CCDC7: variants seen among roughly 807,000 people sequenced by gnomAD.
The protein encoded by CCDC7 is coiled-coil domain containing 7, also known as coiled-coil domain-containing protein 7.
In CCDC7, 183 loss-of-function variants were observed where a neutral mutation model predicts 196.9. The ratio of observed to expected loss-of-function variants is 0.93; its 90% CI spans 0.82 to 1.05. The LOEUF (loss-of-function observed/expected upper bound fraction) is 1.05, where lower values mean the gene tolerates loss of function less well. Ranked by LOEUF, CCDC7 falls within the 50% of genes least tolerant of loss-of-function variation. The pLI is 0.00. For missense variants in CCDC7, 1,540 were observed against 1,482.2 expected, an observed-to-expected ratio of 1.04 and a Z score of -0.64; for synonymous variants, 525 against 484.6, an observed-to-expected ratio of 1.08 and a Z score of -1.10.
At chr10:32,759,653 C>T (rs2133802110) in intron 28 of CCDC7, among the ~76,000 whole-genome samples, 1 of 152,238 alleles carries the variant, frequency 6.6e-6, no homozygotes. Flanking sequence ...AGAAGAAAAC[C>T]TAGGCAATAC....
intron 28 of CCDC7, among the ~76,000 whole-genome samples, chr10:32,755,016 C>A (rs1269487851): frequency 6.6e-6 from 1 of 152,196 alleles, no homozygotes. Flanking sequence ...GCCTCACTCA[C>A]TGCTAGCACG....
At chr10:32,515,565 G>T (rs17584974) in intron 9 of CCDC7, among the ~76,000 whole-genome samples, 1 of 151,884 alleles carries the variant, frequency 6.6e-6, no homozygotes, top group Non-Finnish European at 1.5e-5. Context: ...TTTTTTTGAG[G>T]TGAAGTCTCG....
intron 31 of CCDC7, among the ~76,000 whole-genome samples, chr10:32,818,656 A>C (rs1018565782): frequency 3.3e-5 from 5 of 152,236 alleles, no homozygotes; most frequent in Non-Finnish European, 5.9e-5. Flanking sequence ...CCACAGTGTA[A>C]TCAAACTAAA....
In CCDC7 at chr10:32,841,583, C is replaced by T. The variant is rs573330794; in HGVS notation, c.3353-3660C>T. Among the ~76,000 whole-genome samples the T allele has an allele frequency of 4.6e-5, 7 of 152,076 alleles. No homozygotes were observed. In the South Asian group the frequency reaches 1.5e-3, roughly 32 times the overall value. Reference sequence around the variant, plus strand: ...AATGCAATTCCCATCAAAATACCAACATCATTCTTCACAGAACTAGAAAAA... The same window carrying T: ...AATGCAATTCCCATCAAAATACCAATATCATTCTTCACAGAACTAGAAAAA... On this transcript the variant is annotated intron_variant, in intron 33 of 41. Transcript: ENST00000639629.
chr10:32,653,545 G>A (rs1020663080), intron 20 of CCDC7, among the ~76,000 whole-genome samples: 1 of 152,176 alleles, frequency 6.6e-6, no homozygotes, highest in African/African-American at 2.4e-5. Context: ...TAGTTCTTGT[G>A]AAGGTGTATT....
chr10:32,739,381 A>G (rs1313289773), intron 28 of CCDC7, among the ~76,000 whole-genome samples: 1 of 151,968 alleles, frequency 6.6e-6, no homozygotes, highest in East Asian at 1.9e-4. Flanking sequence ...AAGCTCACTT[A>G]TTCTTTTTTG....
intron 13 of CCDC7, among the ~76,000 whole-genome samples, chr10:32,559,142 C>A (rs2054903419): frequency 6.6e-6 from 1 of 152,234 alleles, no homozygotes; most frequent in African/African-American, 2.4e-5. Context: ...CCCAGGCTTG[C>A]TTAGGTAAAC....
intron 31 of CCDC7, among the ~76,000 whole-genome samples, chr10:32,818,090 C>A (rs1348592896): frequency 6.6e-6 from 1 of 152,108 alleles, no homozygotes; most frequent in Non-Finnish European, 1.5e-5. Flanking sequence ...ATTCAGGAAA[C>A]CCATCTCATG....
chr10:32,558,960 G>T (rs575680313), intron 13 of CCDC7, among the ~76,000 whole-genome samples: 1 of 152,176 alleles, frequency 6.6e-6, no homozygotes. Context: ...GGTCACTCCC[G>T]CCCTAATACT....
intron 9 of CCDC7, among the ~76,000 whole-genome samples, chr10:32,494,720 T>C (rs1029020731): frequency 6.6e-6 from 1 of 151,752 alleles, no homozygotes; most frequent in Admixed American, 6.6e-5. Flanking sequence ...GCAAAGGACA[T>C]GATCTCATCC....
At chr10:32,712,273 A>G (rs946911853) in intron 25 of CCDC7, among the ~76,000 whole-genome samples, 2 of 152,154 alleles carry the variant, frequency 1.3e-5, no homozygotes, top group Non-Finnish European at 2.9e-5. Flanking sequence ...GAATGGTCCC[A>G]TTTATTGCTC....
intron 20 of CCDC7, among the ~76,000 whole-genome samples, chr10:32,658,995 G>A (rs929689785): frequency 1.3e-5 from 2 of 149,134 alleles, no homozygotes; most frequent in Admixed American, 6.8e-5. Context: ...TCTTAGTTTT[G>A]TTGACCATTT....
At chr10:32,518,578 A>G (rs2047409976) in intron 11 of CCDC7, 73 bp downstream of exon 12, 1 of 1,214,222 alleles carries the variant, frequency 8.2e-7, no homozygotes, top group Non-Finnish European at 1.1e-6. Context: ...GAAATCAAAG[A>G]GCTATTTAAA....
chr10:32,601,939 G>C (rs1444205215), intron 18 of CCDC7, among the ~76,000 whole-genome samples: 1 of 152,182 alleles, frequency 6.6e-6, no homozygotes, highest in Non-Finnish European at 1.5e-5. Flanking sequence ...TCAATCAACA[G>C]GATGTGGGCG....
intron 18 of CCDC7, among the ~76,000 whole-genome samples, chr10:32,600,295 T>G (rs118148269): frequency 0.046 from 5,748 of 123,822 alleles, 112 homozygotes; most frequent in Middle Eastern, 0.062. Flanking sequence ...GTTGCGTATA[T>G]TTCTAGTTTT....
chr10:32,458,889 AG>A (rs2034966852), intron 3 of CCDC7, among the ~76,000 whole-genome samples: 1 of 152,226 alleles, frequency 6.6e-6, no homozygotes, highest in South Asian at 2.1e-4. Flanking sequence ...GCTTAAGCCC[AG>A]TATTAATATT....
chr10:32,824,598 TAC>T lies in CCDC7; in HGVS notation c.3263_3264del (p.Tyr1088SerfsTer2). ...TAAGACGCAGTTAAAGAGAAAGAGT[TAC>T]CCTGGTAAGAATAAGAATTTTTAAA... On this transcript the variant is annotated frameshift_variant, in exon 32 of 42. Coordinates refer to ENST00000639629, the Ensembl canonical transcript of CCDC7. LOFTEE classifies it high-confidence loss of function. The T allele has an allele frequency of 6.2e-7, 1 of 1,605,626 alleles. No homozygotes were observed. The highest frequency in any genetic ancestry group is 8.5e-7 in the Non-Finnish European group (1 of 1,173,654).
At chr10:32,785,325 A>G (rs1192203980) in intron 29 of CCDC7, among the ~76,000 whole-genome samples, 1 of 152,192 alleles carries the variant, frequency 6.6e-6, no homozygotes, top group Non-Finnish European at 1.5e-5. Context: ...CTAAATGATA[A>G]AAAAGATAAA....
intron 24 of CCDC7, among the ~76,000 whole-genome samples, chr10:32,703,421 G>A (rs1054404578): frequency 3.8e-4 from 58 of 151,960 alleles, no homozygotes; most frequent in Non-Finnish European, 5.4e-4. Context: ...TGGGTAACGC[G>A]ACATTTCTTT....
Sources: allele counts gnomAD v4.1 joint callset (sites outside exome capture counted in the v4.1 genomes callset), GRCh38; gene constraint gnomAD v4.1.1; transcripts MANE v1.5; gene names NCBI Gene and HGNC (gene_info 2026-07-23, HGNC 2026-07-21).